The following FTO variants were observed in gnomAD, a reference collection of about 807,000 sequenced individuals.
The protein encoded by FTO is FTO alpha-ketoglutarate dependent dioxygenase.
Under a neutral mutation model 63.9 loss-of-function variants are expected in FTO, and 47 were observed. The observed-to-expected ratio is 0.74, with a 90% CI of 0.58 to 0.94. The LOEUF (loss-of-function observed/expected upper bound fraction) is 0.94, where lower values mean the gene tolerates loss of function less well. Among genes scored for constraint, FTO ranks in the 40% least tolerant of loss-of-function variants. The pLI is 0.00. For synonymous variants in FTO, 207 were observed against 224.4 expected (o/e 0.92, Z 0.69); for missense variants, 562 against 618.1 (o/e 0.91, Z 0.96).
At chr16:53,755,704 G>A (rs986524208) in intron 1 of FTO, among the ~76,000 whole-genome samples, 1 of 152,164 alleles carries the variant, frequency 6.6e-6, no homozygotes, top group African/African-American at 2.4e-5. Flanking sequence ...CTGCAACGGG[G>A]TGTGGCCATG....
At chr16:53,887,391 G>A (rs2081028077) in intron 6 of FTO, among the ~76,000 whole-genome samples, 1 of 152,080 alleles carries the variant, frequency 6.6e-6, no homozygotes, top group African/African-American at 2.4e-5. Flanking sequence ...TTAGACCTGG[G>A]TTGCATATTC....
chr16:53,975,610 C>T (rs1360484226), intron 8 of FTO, among the ~76,000 whole-genome samples: 1 of 151,884 alleles, frequency 6.6e-6, no homozygotes, highest in African/African-American at 2.4e-5. Context: ...CCGAGTGGCT[C>T]CCTTCAGACT....
intron 4 of FTO, among the ~76,000 whole-genome samples, chr16:53,858,849 C>T (rs567018430): frequency 3.3e-5 from 5 of 152,026 alleles, no homozygotes; most frequent in South Asian, 2.1e-4. Flanking sequence ...TTACTAGAGA[C>T]GGGGTTTCAC....
chr16:54,016,242 A>G (rs566743044), intron 8 of FTO, among the ~76,000 whole-genome samples: 2 of 151,892 alleles, frequency 1.3e-5, no homozygotes, highest in African/African-American at 4.8e-5. Context: ...GTCTGCCAAC[A>G]TGACAAACCT....
intron 1 of FTO, among the ~76,000 whole-genome samples, chr16:53,781,793 C>T (rs893987621): frequency 2.8e-5 from 4 of 143,572 alleles, no homozygotes; most frequent in South Asian, 2.2e-4. Flanking sequence ...TTTTAACAGC[C>T]CTGTTTGTTT....
intron 1 of FTO, among the ~76,000 whole-genome samples, chr16:53,776,497 T>TA (rs2151644235): frequency 6.6e-6 from 1 of 152,338 alleles, no homozygotes; most frequent in South Asian, 2.1e-4. Flanking sequence ...AACCCTTTTA[T>TA]ACTCCTAAAA....
chr16:54,070,690 G>A (rs1017905872), intron 8 of FTO: 7 of 152,180 alleles, frequency 4.6e-5, no homozygotes, highest in Non-Finnish European at 8.8e-5. Flanking sequence ...AATTTAAAAA[G>A]CAGCTAAATT....
At chr16:53,780,395 C>T (rs962191160) in intron 1 of FTO, among the ~76,000 whole-genome samples, 1 of 152,158 alleles carries the variant, frequency 6.6e-6, no homozygotes, top group African/African-American at 2.4e-5. Flanking sequence ...CCCTGACCAG[C>T]TGAGCTACAG....
chr16:53,845,161 C>T (rs2079585689), intron 4 of FTO, among the ~76,000 whole-genome samples: 1 of 152,162 alleles, frequency 6.6e-6, no homozygotes, highest in African/African-American at 2.4e-5. Context: ...TCATTTTTTA[C>T]TCACAAAGCT....
rs1280874744 is a variant in FTO at position 54,116,044 on chromosome 16, G to A, written c.*4129G>A. On this transcript the variant is annotated 3_prime_UTR_variant, in exon 9 of 9. Transcript: ENST00000471389. ...CCCACAGAGCTTTCTAGACATAAAA[G>A]AGCAGGGTCATGGCATCATTGGTGA... 1 of 152,210 alleles carries A rather than the reference G, an allele frequency of 6.6e-6. No homozygotes were observed. 9.4% of individuals were successfully genotyped at this position (152,210 alleles called of 1,614,324 possible).
intron 7 of FTO, among the ~76,000 whole-genome samples, chr16:53,902,973 A>C (rs972737993): frequency 1.1e-4 from 16 of 152,126 alleles, no homozygotes; most frequent in Non-Finnish European, 4.4e-5. Flanking sequence ...AGCCAGGCGT[A>C]GTGGCACATG....
At chr16:54,076,217 T>C (rs2085989350) in intron 8 of FTO, among the ~76,000 whole-genome samples, 1 of 152,218 alleles carries the variant, frequency 6.6e-6, no homozygotes, top group African/African-American at 2.4e-5. Context: ...ACTTAATCTT[T>C]CGATCTTTAC....
chr16:54,099,136 A>G (rs1401522912), intron 8 of FTO, among the ~76,000 whole-genome samples: 1 of 152,154 alleles, frequency 6.6e-6, no homozygotes, highest in Non-Finnish European at 1.5e-5. Flanking sequence ...GGAGGGCTTG[A>G]TACTACCCGG....
intron 8 of FTO, among the ~76,000 whole-genome samples, chr16:53,945,828 G>C (rs995280607): frequency 1.3e-5 from 2 of 152,134 alleles, no homozygotes; most frequent in Non-Finnish European, 2.9e-5. Flanking sequence ...TAATTTTGGG[G>C]CTGCGTTAGT....
chr16:54,024,088 T>TA (rs139057375), intron 8 of FTO, among the ~76,000 whole-genome samples: 4,538 of 152,302 alleles, frequency 0.03, 121 homozygotes, highest in Middle Eastern at 0.12. Flanking sequence ...AATGCTGCAA[T>TA]AAAAATCTCT....
intron 1 of FTO, among the ~76,000 whole-genome samples, chr16:53,784,362 A>G (rs1201897294): frequency 1.3e-5 from 2 of 152,206 alleles, no homozygotes; most frequent in Non-Finnish European, 2.9e-5. Flanking sequence ...CATGTGGGTT[A>G]GCTCTTCAAC....
intron 8 of FTO, among the ~76,000 whole-genome samples, chr16:53,979,776 T>C (rs553138956): frequency 1.2e-4 from 18 of 152,260 alleles, no homozygotes; most frequent in Middle Eastern, 3.4e-3. Flanking sequence ...TTACTTGCAT[T>C]AACTTTGCCT....
rs1320131915 is a variant in FTO, at chr16:54,114,146, C to T, written c.*2231C>T. 6.6e-6 allele frequency: 1 copy of T among 152,214 alleles called. No individual in the cohort carries two copies. Among genetic ancestry groups the T allele is most frequent in the African/African-American group, 2.4e-5 (1 of 41,436 alleles). 9.4% of individuals were successfully genotyped at this position (152,214 alleles called of 1,614,324 possible). ...TTAGAACTCAGAACACCCAATAGTC[C>T]TAGGCCCCCATCCTCGCATGGCAGC... On this transcript the variant is annotated 3_prime_UTR_variant, in exon 9 of 9. Coordinates refer to ENST00000471389, the MANE Select transcript of FTO (RefSeq NM_001080432.3).
chr16:54,103,671 C>T (rs2086686661), intron 8 of FTO, among the ~76,000 whole-genome samples: 2 of 152,130 alleles, frequency 1.3e-5, no homozygotes, highest in African/African-American at 4.8e-5. Flanking sequence ...CCGAGTAGAC[C>T]GTTATGATAG....
Sources: gnomAD v4.1 joint callset for allele counts (sites outside exome capture counted in the v4.1 genomes callset) on GRCh38, gnomAD v4.1.1 for gene constraint, MANE v1.5 for transcripts, NCBI Gene and HGNC (gene_info 2026-07-23, HGNC 2026-07-21) for gene names.